The following CD1B variants were observed in gnomAD, a reference collection of about 807,000 sequenced individuals.
The protein encoded by CD1B is T-cell surface glycoprotein CD1b.
Under a neutral mutation model 39.8 loss-of-function variants are expected in CD1B, and 43 were observed. The observed-to-expected ratio is 1.08, with a 90% CI of 0.85 to 1.39. The LOEUF (loss-of-function observed/expected upper bound fraction) is 1.39, where lower values mean the gene tolerates loss of function less well. CD1B is among the 40% of genes most tolerant of loss of function. CD1B has a pLI of 0.00. For synonymous variants in CD1B, 192 were observed against 152.5 expected (o/e 1.26, Z -1.91); for missense variants, 495 against 403.8 (o/e 1.23, Z -1.94).
At chr1:158,331,320 A>G (rs1350695023) in intron 1 of CD1B, 43 bp downstream of exon 1, 8 of 1,579,928 alleles carry the variant, frequency 5.1e-6, no homozygotes, top group South Asian at 1.1e-5. Context: ...TTTAAAATCC[A>G]AACCCCTGCA....
chr1:158,291,922 C>T, the CD1B span, among the ~76,000 whole-genome samples: 1 of 152,166 alleles, frequency 6.6e-6, no homozygotes, highest in South Asian at 2.1e-4. Flanking sequence ...TTCCCTATCC[C>T]CAGCAATTTT....
rs781055549 is a variant in CD1B at position 158,330,147 on chromosome 1, G to C, written c.329-17C>G. 5 of 1,572,146 alleles carry C rather than the reference G, an allele frequency of 3.2e-6. No homozygotes were observed. In the African/African-American group the frequency reaches 5.5e-5, roughly 17 times the overall value. On this transcript the variant is annotated splice_polypyrimidine_tract_variant and intron_variant, in intron 2 of 5. Transcript: ENST00000368168. The stretch of plus-strand genomic sequence containing the variant: ...CAAAGGGGTCTATGTAGAGGGAAAA[G>C]AGAGCAAGTTATTAAACACAAATAA...
chr1:158,325,280 C>T (rs995507633), downstream of CD1B, among the ~76,000 whole-genome samples: 1 of 152,088 alleles, frequency 6.6e-6, no homozygotes, highest in African/African-American at 2.4e-5. Context: ...CCTAACAATA[C>T]TACCAGGTTA....
the CD1B span, among the ~76,000 whole-genome samples, chr1:158,306,902 A>G: frequency 6.6e-6 from 1 of 152,238 alleles, no homozygotes; most frequent in Non-Finnish European, 1.5e-5. Context: ...GACACAACAT[A>G]CCAGAATCTC....
chr1:158,327,202 G>A (rs772174444), downstream of CD1B, among the ~76,000 whole-genome samples: 12 of 152,228 alleles, frequency 7.9e-5, no homozygotes, highest in Non-Finnish European at 1.6e-4. Flanking sequence ...CAAACCTCTT[G>A]CTAGCTACAG....
chr1:158,318,350 T>C, the CD1B span, among the ~76,000 whole-genome samples: 1 of 152,208 alleles, frequency 6.6e-6, no homozygotes, highest in Non-Finnish European at 1.5e-5. Context: ...GGTGCTCCTG[T>C]ATTGGGTGCA....
chr1:158,311,984 T>C, the CD1B span, among the ~76,000 whole-genome samples: 2 of 152,228 alleles, frequency 1.3e-5, no homozygotes, highest in African/African-American at 4.8e-5. Context: ...TTGGGGTCTT[T>C]GATGGTTCAA....
chr1:158,331,076 A>G lies in CD1B; in HGVS notation c.62-14T>C, dbSNP rs747358851. ...GCCCCTGGAAGGCTGTGAAGAGTGG[A>G]AAAGCAAGATGGTGAAGATAAAGAG... On this transcript the variant is annotated splice_polypyrimidine_tract_variant and intron_variant, in intron 1 of 5. Transcript: ENST00000368168. 1.3e-6 allele frequency: 2 copies of G among 1,591,478 alleles called. No individual in the cohort carries two copies. Among genetic ancestry groups the G allele is most frequent in the African/African-American group, 1.4e-5 (1 of 73,770 alleles).
intron 2 of CD1B, 141 bp from the exon 3 acceptor site, chr1:158,330,271 T>C: frequency 1.3e-6 from 1 of 769,674 alleles, no homozygotes; most frequent in Non-Finnish European, 2.1e-6. Context: ...AATGATAACA[T>C]TTAGACATTT....
chr1:158,330,463 T>C (rs1364206671), intron 2 of CD1B: 18 of 550,186 alleles, frequency 3.3e-5, no homozygotes, highest in Non-Finnish European at 5.2e-5. Context: ...ATTGAAAAGA[T>C]GGATTAGGGG....
At chr1:158,313,058 G>A in the CD1B span, among the ~76,000 whole-genome samples, 12 of 152,090 alleles carry the variant, frequency 7.9e-5, no homozygotes, top group Admixed American at 2.6e-4. Flanking sequence ...TTATCATAGT[G>A]GGATGTTGAA....
chr1:158,324,170 C>T (rs994314928), downstream of CD1B, among the ~76,000 whole-genome samples: 7 of 152,128 alleles, frequency 4.6e-5, no homozygotes, highest in African/African-American at 1.7e-4. Flanking sequence ...GTTTTTGGTT[C>T]AAGACTCAAG....
the CD1B span, chr1:158,290,235 C>T: frequency 1.0e-6 from 1 of 953,566 alleles, no homozygotes; most frequent in African/African-American, 1.6e-5. Flanking sequence ...CTGAGCATAC[C>T]TGTCTCCAGG....
Position 158,330,952 on chromosome 1 carries a change from A to G in CD1B, c.172T>C (p.Trp58Arg). Residue 58 changes from tryptophan (W) to arginine (R), a missense_variant, in exon 2 of 6, where the codon TGG (tryptophan) becomes CGG (arginine). Trp to Arg is a moderately radical substitution (Grantham distance 101). Transcript: ENST00000368168. ...GWLDDLQIHGWDSDSGTAIFL... is the reference protein window; with the variant it reads ...GWLDDLQIHGRDSDSGTAIFL... Reference sequence around the variant, plus strand: ...ATGGCAGTGCCTGAGTCGCTATCCCAGCCATGAATCTGCAAATCATCCAAC... The same window carrying G: ...ATGGCAGTGCCTGAGTCGCTATCCCGGCCATGAATCTGCAAATCATCCAAC... The G allele has an allele frequency of 6.2e-7, 1 of 1,614,176 alleles. No individual in the cohort carries two copies. The highest frequency in any genetic ancestry group is 8.5e-7 in the Non-Finnish European group (1 of 1,180,024).
At chr1:158,326,031 G>A (rs541875454), downstream of CD1B, among the ~76,000 whole-genome samples, 7 of 152,118 alleles carry the variant, frequency 4.6e-5, no homozygotes, top group Middle Eastern at 6.8e-3. Context: ...GTGCAGTGGC[G>A]CGATCTCGGC....
At chr1:158,306,437 T>C in the CD1B span, among the ~76,000 whole-genome samples, 4 of 152,178 alleles carry the variant, frequency 2.6e-5, no homozygotes, top group Non-Finnish European at 5.9e-5. Context: ...AAGCAAGTGA[T>C]TAGAGGCCTA....
intron 2 of CD1B, chr1:158,330,396 G>T: frequency 1.8e-6 from 1 of 570,700 alleles, no homozygotes; most frequent in Non-Finnish European, 3.1e-6. Context: ...AGTCAGGAGT[G>T]CAGCATTCCA....
At position 158,330,863 on chromosome 1, in the gene CD1B, T is replaced by C; in HGVS notation, c.261A>G (p.Ile87Met). 1.2e-6 allele frequency: 2 copies of C among 1,614,086 alleles called. No homozygotes were observed. The highest frequency in any genetic ancestry group is 8.5e-7 in the Non-Finnish European group (1 of 1,179,920). The change falls in exon 2 of 6, where the codon ATA becomes ATG. Residue 87 changes from isoleucine (I) to methionine (M), a missense_variant. Ile to Met is a conservative substitution (Grantham distance 10). Coordinates refer to ENST00000368168, the MANE Select transcript of CD1B (RefSeq NM_001764.3). ...SDKEVAELEE[I>M]FRVYIFGFAR... ...CGAATCCAAAGATGTAGACTCGGAATATCTCCTCTAACTCAGCAACCTCCT... is the reference window on the plus strand; with the variant it reads ...CGAATCCAAAGATGTAGACTCGGAACATCTCCTCTAACTCAGCAACCTCCT...
the CD1B span, chr1:158,291,485 C>T: frequency 7.5e-7 from 1 of 1,327,598 alleles, no homozygotes; most frequent in East Asian, 2.3e-5. Flanking sequence ...GGGCCATTTC[C>T]CATTATCCCA....
Sources: gnomAD v4.1 joint callset for allele counts (sites outside exome capture counted in the v4.1 genomes callset) on GRCh38, gnomAD v4.1.1 for gene constraint, MANE v1.5 for transcripts, NCBI Gene and HGNC (gene_info 2026-07-23, HGNC 2026-07-21) for gene names.